DRG1: variants seen among roughly 807,000 people sequenced by gnomAD.
DRG1 encodes the protein developmentally-regulated GTP-binding protein 1.
A neutral mutation model predicts 38.8 loss-of-function variants in DRG1; 19 were observed. That is an observed-to-expected ratio of 0.49 (90% confidence interval 0.34 to 0.72). The LOEUF (loss-of-function observed/expected upper bound fraction) is 0.72. DRG1 is among the 30% of genes least tolerant of loss of function. The pLI, the probability that DRG1 is intolerant of heterozygous loss-of-function variation, is 0.01. For synonymous variants in DRG1, 167 were observed against 157.5 expected, an observed-to-expected ratio of 1.06 and a Z score of -0.45; for missense variants, 299 against 444.8, an observed-to-expected ratio of 0.67 and a Z score of 2.95.
At chr22:31,412,174 GT>G (rs2050021723) in intron 4 of DRG1, among the ~76,000 whole-genome samples, 1 of 150,710 alleles carries the variant, frequency 6.6e-6, no homozygotes, top group Non-Finnish European at 1.5e-5. Context: ...GGCGCCTGTA[GT>G]CCCAGCTACT....
chr22:31,419,784 C>G (rs1396323873), intron 4 of DRG1, among the ~76,000 whole-genome samples: 4 of 152,118 alleles, frequency 2.6e-5, no homozygotes, highest in Non-Finnish European at 2.9e-5. Flanking sequence ...TGGCTCATGC[C>G]TGTAATCCTA....
At chr22:31,408,546 G>A (rs533018800) in intron 3 of DRG1, among the ~76,000 whole-genome samples, 71 of 151,580 alleles carry the variant, frequency 4.7e-4, no homozygotes, top group African/African-American at 1.6e-3. Flanking sequence ...TCAGGAGTTC[G>A]AGACCAGCCT....
intron 6 of DRG1, among the ~76,000 whole-genome samples, chr22:31,424,811 C>CCCCCCT (rs71202078): frequency 8.2e-5 from 3 of 36,658 alleles, no homozygotes; most frequent in South Asian, 1.1e-3. Flanking sequence ...CCCCCCCCCC[C>CCCCCCT]TTTTTTTTTT....
intron 6 of DRG1, among the ~76,000 whole-genome samples, chr22:31,425,622 G>A (rs966370355): frequency 1.3e-5 from 2 of 151,944 alleles, no homozygotes; most frequent in Non-Finnish European, 2.9e-5. Flanking sequence ...TGTATTTTTT[G>A]TAGAGATGTT....
At chr22:31,414,302 C>G (rs2050033118) in intron 4 of DRG1, among the ~76,000 whole-genome samples, 1 of 152,116 alleles carries the variant, frequency 6.6e-6, no homozygotes, top group Non-Finnish European at 1.5e-5. Flanking sequence ...CAACATATCT[C>G]TGCTTGGATG....
chr22:31,421,077 A>C (rs1451962673), intron 5 of DRG1, among the ~76,000 whole-genome samples: 2 of 151,738 alleles, frequency 1.3e-5, no homozygotes, highest in Non-Finnish European at 2.9e-5. Flanking sequence ...CTGCCATCGC[A>C]CCCAGCTAAC....
intron 3 of DRG1, among the ~76,000 whole-genome samples, chr22:31,405,999 C>CTTTTTTCTTTTTTT (rs2049988415): frequency 6.8e-6 from 1 of 146,120 alleles, no homozygotes; most frequent in Admixed American, 6.9e-5. Flanking sequence ...TTTCTTTTTT[C>CTTTTTTCTTTTTTT]TTTTTTCTTT....
intron 4 of DRG1, among the ~76,000 whole-genome samples, chr22:31,411,542 T>G (rs1277297812): frequency 1.3e-5 from 2 of 150,824 alleles, no homozygotes; most frequent in Admixed American, 1.3e-4. Context: ...TTTTTTTTTT[T>G]TTTTTGGGAC....
At chr22:31,432,343 TA>T (rs1378010102) in intron 8 of DRG1, among the ~76,000 whole-genome samples, 1 of 151,956 alleles carries the variant, frequency 6.6e-6, no homozygotes, top group East Asian at 1.9e-4. Context: ...TAATTAATTA[TA>T]ACATTTATCC....
intron 8 of DRG1, among the ~76,000 whole-genome samples, chr22:31,433,352 C>A (rs2050152014): frequency 6.7e-6 from 1 of 149,106 alleles, no homozygotes; most frequent in Non-Finnish European, 1.5e-5. Flanking sequence ...CTCACTGCAA[C>A]CTCCGCCTCC....
At chr22:31,420,722 T>G (rs1184043221) in intron 5 of DRG1, among the ~76,000 whole-genome samples, 2 of 152,220 alleles carry the variant, frequency 1.3e-5, no homozygotes, top group Non-Finnish European at 2.9e-5. Flanking sequence ...TCTGTTTTCA[T>G]TCATTTAACA....
At chr22:31,402,786 A>G (rs1023191782) in intron 2 of DRG1, among the ~76,000 whole-genome samples, 4 of 152,150 alleles carry the variant, frequency 2.6e-5, no homozygotes, top group Non-Finnish European at 4.4e-5. Flanking sequence ...CAGGGACTAT[A>G]GATGTGTGCC....
chr22:31,418,410 A>G (rs541021892), intron 4 of DRG1, among the ~76,000 whole-genome samples: 22 of 152,158 alleles, frequency 1.4e-4, no homozygotes, highest in African/African-American at 5.3e-4. Flanking sequence ...ATGAGCTATG[A>G]TCATGCGACT....
chr22:31,426,825 C>G, intron 7 of DRG1, 43 bp downstream of exon 7: 2 of 1,594,512 alleles, frequency 1.3e-6, no homozygotes, highest in Non-Finnish European at 1.7e-6. Context: ...AGGAATTAAC[C>G]AGACTGTCCT....
intron 2 of DRG1, among the ~76,000 whole-genome samples, chr22:31,401,287 CAA>C (rs770447979): frequency 7.8e-5 from 9 of 115,116 alleles, no homozygotes; most frequent in East Asian, 2.6e-4. Context: ...GAAGATGTAC[CAA>C]AAAAAAAAAA....
In DRG1 at chr22:31,426,699, C is replaced by T. The variant is rs1330291836; in HGVS notation, c.798C>T (p.His266=). 2 of 1,614,182 alleles carry T rather than the reference C, an allele frequency of 1.2e-6. No homozygotes were observed. The highest frequency in any genetic ancestry group is 1.7e-6 in the Non-Finnish European group (2 of 1,180,026). Residue 266 remains histidine, a synonymous_variant, in exon 7 of 9, where the codon CAC becomes CAT. Transcript: ENST00000331457. ...TGGATATCATCTATAAGGTGCCTCA[C>T]TGTGTACCCATCTCTGCCCATCACC... is the stretch of plus-strand genomic sequence containing the variant. ...EELDIIYKVP[H]CVPISAHHRW...
intron 4 of DRG1, among the ~76,000 whole-genome samples, chr22:31,413,500 A>G (rs575775295): frequency 8.3e-5 from 12 of 145,068 alleles, no homozygotes; most frequent in Admixed American, 2.1e-4. Flanking sequence ...CTCTAGTATT[A>G]TTTTTAATTT....
intron 2 of DRG1, 118 bp downstream of exon 2, chr22:31,400,861 C>G (rs1245041168): frequency 8.1e-7 from 1 of 1,228,920 alleles, no homozygotes; most frequent in South Asian, 1.5e-5. Context: ...GCCTGCAATC[C>G]TAGCATGCTG....
At chr22:31,423,523 C>CTTT (rs1229925627) in intron 6 of DRG1, 113 bp downstream of exon 6, 139 of 478,342 alleles carry the variant, frequency 2.9e-4, no homozygotes, top group Middle Eastern at 7.2e-4. Context: ...GTCCTACTGT[C>CTTT]TTTTTTTTTT....
Sources: allele counts gnomAD v4.1 joint callset (sites outside exome capture counted in the v4.1 genomes callset), GRCh38; gene constraint gnomAD v4.1.1; transcripts MANE v1.5; gene names NCBI Gene and HGNC (gene_info 2026-07-23, HGNC 2026-07-21).